The following A3GALT2 variants were observed in gnomAD, a reference collection of about 807,000 sequenced individuals.
The protein encoded by A3GALT2 is alpha-1,3-galactosyltransferase 2.
Under a neutral mutation model 16.6 loss-of-function variants are expected in A3GALT2, and 14 were observed. That is an observed-to-expected ratio of 0.84 (90% CI 0.56 to 1.32). A3GALT2 has a LOEUF of 1.32. A3GALT2 is among the 40% of genes most tolerant of loss of function. The pLI is 0.00. For missense variants in A3GALT2, 600 were observed against 490.9 expected (o/e 1.22, Z -2.10); for synonymous variants, 253 against 218.0 (o/e 1.16, Z -1.42).
In A3GALT2 at chr1:33,312,909, C is replaced by T; in HGVS notation, c.24-19G>A. On this transcript the variant is annotated intron_variant, in intron 1 of 4. Coordinates refer to ENST00000442999, the MANE Select transcript of A3GALT2 (RefSeq NM_001080438.1). ...CCAGGCCCTGGGGGCGGGAGGGGGG[C>T]ATCAGTAACTCATTTATATGTATAG... 6.4e-7 allele frequency: 1 copy of T among 1,572,014 alleles called. No homozygotes were observed.
At chr1:33,310,356 G>A (rs1646227903) in intron 4 of A3GALT2, among the ~76,000 whole-genome samples, 2 of 151,910 alleles carry the variant, frequency 1.3e-5, no homozygotes, top group African/African-American at 4.8e-5. Flanking sequence ...AGACCAGGGA[G>A]AGGAAGACCG....
chr1:33,319,524 G>A (rs1036289924), intron 1 of A3GALT2, among the ~76,000 whole-genome samples: 19 of 152,194 alleles, frequency 1.2e-4, no homozygotes, highest in Admixed American at 3.3e-4. Flanking sequence ...ACAAACTCAG[G>A]TGGGGCCTGG....
chr1:33,315,380 C>CAA (rs60385074), intron 1 of A3GALT2, among the ~76,000 whole-genome samples: 10 of 108,678 alleles, frequency 9.2e-5, no homozygotes, highest in South Asian at 6.2e-4. Context: ...GACTCTGTCT[C>CAA]AAAAAAAAAA....
At chr1:33,319,951 G>A (rs908961916) in intron 1 of A3GALT2, among the ~76,000 whole-genome samples, 9 of 151,998 alleles carry the variant, frequency 5.9e-5, no homozygotes, top group South Asian at 2.1e-4. Context: ...GCATTTGCAC[G>A]GCGGGTAATG....
At chr1:33,316,544 C>T (rs1047158976) in intron 1 of A3GALT2, among the ~76,000 whole-genome samples, 6 of 149,754 alleles carry the variant, frequency 4.0e-5, no homozygotes, top group African/African-American at 1.5e-4. Flanking sequence ...GCAGGGAGGG[C>T]ACTGCTGGAG....
At chr1:33,312,002 C>A in intron 4 of A3GALT2, 50 bp downstream of exon 4, 1 of 1,609,212 alleles carries the variant, frequency 6.2e-7, no homozygotes, top group Non-Finnish European at 8.5e-7. Context: ...CACATGCACA[C>A]CCCTCCCACT....
At chr1:33,309,906 G>A (rs1646225124) in intron 4 of A3GALT2, among the ~76,000 whole-genome samples, 1 of 152,256 alleles carries the variant, frequency 6.6e-6, no homozygotes, top group Non-Finnish European at 1.5e-5. Flanking sequence ...TGGGGAGGCG[G>A]CCGGGCAGAG....
In A3GALT2 at chr1:33,307,466, C is replaced by G; in HGVS notation, c.336-13G>C. 1 of 1,479,788 alleles carries G rather than the reference C, an allele frequency of 6.8e-7. No homozygotes were observed. Among genetic ancestry groups the G allele is most frequent in the Non-Finnish European group, 8.9e-7 (1 of 1,125,136 alleles). The allele number at this position is 1,479,788 out of a possible 1,614,324, so 91.7% of individuals were successfully genotyped here. ...CTTCTCCAGGTATCTAAGGGCGCGG[C>G]GCCACCGTCAGCCTGAGAGTGAAGC... On this transcript the variant is annotated splice_polypyrimidine_tract_variant and intron_variant, in intron 4 of 4. Transcript: ENST00000442999.
intron 4 of A3GALT2, among the ~76,000 whole-genome samples, chr1:33,308,109 C>CT (rs1646207058): frequency 1.7e-5 from 2 of 114,982 alleles, no homozygotes; most frequent in Non-Finnish European, 3.4e-5. Context: ...AACTCCGGAC[C>CT]CTCTAGCCCT....
At chr1:33,312,927 A>G (rs1646242630) in intron 1 of A3GALT2, 37 bp from the exon 2 acceptor site, 1 of 1,455,052 alleles carries the variant, frequency 6.9e-7, no homozygotes, top group Non-Finnish European at 9.5e-7. Flanking sequence ...ACTCATTTAT[A>G]TGTATAGACA....
chr1:33,310,103 A>T (rs1290134611), intron 4 of A3GALT2, among the ~76,000 whole-genome samples: 3 of 152,244 alleles, frequency 2.0e-5, no homozygotes. Context: ...GGAGCTGGAG[A>T]CCAGCCCGGC....
chr1:33,310,439 A>G (rs1646228237), intron 4 of A3GALT2, among the ~76,000 whole-genome samples: 1 of 152,216 alleles, frequency 6.6e-6, no homozygotes, highest in Non-Finnish European at 1.5e-5. Context: ...TTCACTATAT[A>G]GATAACGAGG....
chr1:33,307,456 A>G lies in A3GALT2; in HGVS notation c.336-3T>C. 6.7e-7 allele frequency: 1 copy of G among 1,493,728 alleles called. No homozygotes were observed. Among genetic ancestry groups the G allele is most frequent in the Non-Finnish European group, 8.8e-7 (1 of 1,132,500 alleles). 92.5% of individuals were successfully genotyped at this position (1,493,728 alleles called of 1,614,324 possible). ...GCTCCAGGTACTTCTCCAGGTATCT[A>G]AGGGCGCGGCGCCACCGTCAGCCTG... On this transcript the variant is annotated splice_region_variant and splice_polypyrimidine_tract_variant and intron_variant, in intron 4 of 4. Transcript: ENST00000442999.
At position 33,306,861 on chromosome 1, in the gene A3GALT2, C is replaced by A; in HGVS notation, c.928G>T (p.Glu310Ter). 1 of 1,514,358 alleles carries A rather than the reference C, an allele frequency of 6.6e-7. No individual in the cohort carries two copies. The highest frequency in any genetic ancestry group is 2.1e-5 in the Admixed American group (1 of 47,850). 93.8% of individuals were successfully genotyped at this position (1,514,358 alleles called of 1,614,324 possible). A position where few individuals can be genotyped will look rare whatever the true frequency, so the allele number is the denominator to read the frequency against. Residue 310 changes from glutamate (E) to a stop codon, truncating the protein, a stop_gained, in exon 5 of 5, where the codon GAG becomes TAG. Coordinates refer to ENST00000442999, the MANE Select transcript of A3GALT2 (RefSeq NM_001080438.1). LOFTEE classifies it low-confidence loss of function (END_TRUNC). ...CCGATGTCCGGGCTCCAGCAGAACT[C>A]GGGCGACAGCACCTTGGCGGGCTTG... ...LHKPAKVLSP[E>*]FCWSPDIGPR...
At position 33,307,393 on chromosome 1, in the gene A3GALT2, GC is replaced by G. The variant is rs1372027695; in HGVS notation, c.395del (p.Gly132AlafsTer4). The G allele has an allele frequency of 1.3e-6, 2 of 1,564,172 alleles. No individual in the cohort carries two copies. Among genetic ancestry groups the G allele is most frequent in the South Asian group, 2.3e-5 (2 of 88,626 alleles). Reference sequence around the variant, plus strand: ...TGAACACGTAGTACATCACGCTCTGGCCCGCCATGAAGTGCTGCTCCGCCGT... The same window carrying G: ...TGAACACGTAGTACATCACGCTCTGGCCGCCATGAAGTGCTGCTCCGCCGT... ...LETAEQHFMA[G>X]QSVMYYVFTE... is the part of the protein sequence containing the mutation. On this transcript the variant is annotated frameshift_variant, in exon 5 of 5. Transcript: ENST00000442999. LOFTEE classifies it low-confidence loss of function (END_TRUNC).
At chr1:33,309,591 C>T (rs1347720861) in intron 4 of A3GALT2, among the ~76,000 whole-genome samples, 4 of 145,832 alleles carry the variant, frequency 2.7e-5, no homozygotes, top group Admixed American at 6.8e-5. Context: ...TCAGACGGGG[C>T]GGCCGGGCAG....
Position 33,307,341 on chromosome 1 carries a change from C to A in A3GALT2, c.448G>T (p.Val150Leu). 2.6e-6 allele frequency: 4 copies of A among 1,540,248 alleles called. No individual in the cohort carries two copies. Among genetic ancestry groups the A allele is most frequent in the Middle Eastern group, 1.7e-4 (1 of 5,822 alleles). The change falls in exon 5 of 5, where the codon GTG becomes TTG. Residue 150 changes from valine (V) to leucine (L), a missense_variant. Coordinates refer to ENST00000442999, the MANE Select transcript of A3GALT2 (RefSeq NM_001080438.1). ...FTELPGAVPR[V>L]ALGPGRRLPV... ...AGCCGGCGTCCCGGGCCCAGCGCCA[C>A]GCGGGGCACCGCTCCCGGAAGCTCG...
At chr1:33,311,119 A>G (rs1352036823) in intron 4 of A3GALT2, among the ~76,000 whole-genome samples, 1 of 152,134 alleles carries the variant, frequency 6.6e-6, no homozygotes, top group Non-Finnish European at 1.5e-5. Context: ...TTCCACTTTT[A>G]GAAATGCCTC....
chr1:33,312,742 T>A, intron 2 of A3GALT2, 65 bp downstream of exon 2: 1 of 1,511,570 alleles, frequency 6.6e-7, no homozygotes, highest in Non-Finnish European at 9.1e-7. Flanking sequence ...AAGGAGGCAC[T>A]TAGACAGATC....
Sources: allele counts gnomAD v4.1 joint callset (sites outside exome capture counted in the v4.1 genomes callset), GRCh38; gene constraint gnomAD v4.1.1; transcripts MANE v1.5; gene names NCBI Gene and HGNC (gene_info 2026-07-23, HGNC 2026-07-21).